USH2A: variants seen among roughly 807,000 people sequenced by gnomAD.
The protein encoded by USH2A is usherin.
USH2A carries 443 observed loss-of-function variants against 538.9 expected under a neutral mutation model. That is an observed-to-expected ratio of 0.82 (90% CI 0.76 to 0.89). The LOEUF (loss-of-function observed/expected upper bound fraction) is 0.89, where lower values mean the gene tolerates loss of function less well. Ranked by LOEUF, USH2A falls within the 40% of genes least tolerant of loss-of-function variation. The pLI is 0.00. For synonymous variants in USH2A, 2,413 were observed against 2,273.5 expected, an observed-to-expected ratio of 1.06 and a Z score of -1.75; for missense variants, 6,633 against 6,324.8, an observed-to-expected ratio of 1.05 and a Z score of -1.65.
intron 64 of USH2A, among the ~76,000 whole-genome samples, chr1:215,669,573 A>C (rs1657745485): frequency 6.6e-6 from 1 of 152,226 alleles, no homozygotes; most frequent in African/African-American, 2.4e-5. Flanking sequence ...AAACATATAA[A>C]TATTCATATT....
At chr1:215,743,116 A>G in intron 59 of USH2A, 61 bp downstream of exon 59, 2 of 1,580,254 alleles carry the variant, frequency 1.3e-6, no homozygotes, top group Non-Finnish European at 1.7e-6. Flanking sequence ...CTTTTTAATG[A>G]AATTTTTTAA....
intron 3 of USH2A, among the ~76,000 whole-genome samples, chr1:216,373,959 T>C (rs1296126095): frequency 6.6e-6 from 1 of 151,896 alleles, no homozygotes; most frequent in African/African-American, 2.4e-5. Flanking sequence ...TGTAGGAACG[T>C]GGATGAAACT....
chr1:215,999,682 C>T (rs1443302311), intron 33 of USH2A, among the ~76,000 whole-genome samples: 1 of 152,116 alleles, frequency 6.6e-6, no homozygotes. Flanking sequence ...CTGAGAAACA[C>T]CTGAGTCGTG....
intron 62 of USH2A, among the ~76,000 whole-genome samples, chr1:215,677,333 T>G (rs1658065943): frequency 6.6e-6 from 1 of 152,198 alleles, no homozygotes; most frequent in South Asian, 2.1e-4. Context: ...CTCCCTCTAC[T>G]GGTTATTTCT....
chr1:215,907,983 C>CA (rs1166463844), intron 38 of USH2A, among the ~76,000 whole-genome samples: 5 of 151,888 alleles, frequency 3.3e-5, no homozygotes, highest in South Asian at 2.1e-4. Flanking sequence ...AAATAAATTA[C>CA]AAAAAAATGT....
chr1:216,312,062 C>A (rs936890676), intron 9 of USH2A, among the ~76,000 whole-genome samples: 1 of 151,824 alleles, frequency 6.6e-6, no homozygotes, highest in Non-Finnish European at 1.5e-5. Flanking sequence ...CTCTGAAGTT[C>A]TTCCTTTAAC....
At chr1:216,185,673 A>G (rs763660265) in intron 20 of USH2A, among the ~76,000 whole-genome samples, 2 of 151,950 alleles carry the variant, frequency 1.3e-5, no homozygotes, top group Non-Finnish European at 2.9e-5. Context: ...ACAGAGCAGG[A>G]TGAACAGTAA....
At chr1:215,652,733 A>T (rs1657120780) in intron 64 of USH2A, among the ~76,000 whole-genome samples, 1 of 151,912 alleles carries the variant, frequency 6.6e-6, no homozygotes, top group South Asian at 2.1e-4. Flanking sequence ...GGTGGGGGGG[A>T]CACCTATTAT....
intron 35 of USH2A, among the ~76,000 whole-genome samples, chr1:215,987,235 A>T (rs930107082): frequency 3.3e-5 from 5 of 152,158 alleles, no homozygotes; most frequent in African/African-American, 1.2e-4. Flanking sequence ...GGCTCATGAG[A>T]ATTTGGAAGC....
chr1:215,944,845 A>G (rs569427203), intron 37 of USH2A, among the ~76,000 whole-genome samples: 5 of 152,308 alleles, frequency 3.3e-5, no homozygotes, highest in African/African-American at 1.2e-4. Context: ...TGTCCAAAAC[A>G]TGAAACATCC....
chr1:215,774,880 A>T (rs547496843), intron 55 of USH2A, among the ~76,000 whole-genome samples: 8 of 151,722 alleles, frequency 5.3e-5, no homozygotes, highest in Non-Finnish European at 1.0e-4. Flanking sequence ...AACACAAAAA[A>T]GTGGTTGATG....
chr1:215,926,937 G>T (rs2102493322), intron 38 of USH2A, among the ~76,000 whole-genome samples: 1 of 152,040 alleles, frequency 6.6e-6, no homozygotes, highest in East Asian at 1.9e-4. Context: ...TGACTTGCCA[G>T]ATTAATAAAA....
At chr1:216,041,739 C>A (rs1258239082) in intron 32 of USH2A, among the ~76,000 whole-genome samples, 1 of 151,460 alleles carries the variant, frequency 6.6e-6, no homozygotes, top group Non-Finnish European at 1.5e-5. Context: ...TTTTGCTCAT[C>A]AAGAATGTGA....
At chr1:216,170,236 G>A (rs2034250316) in intron 21 of USH2A, among the ~76,000 whole-genome samples, 2 of 152,022 alleles carry the variant, frequency 1.3e-5, no homozygotes, top group Non-Finnish European at 2.9e-5. Context: ...TAAACATATT[G>A]ATTTTTGGTG....
intron 4 of USH2A, among the ~76,000 whole-genome samples, chr1:216,343,976 T>C (rs932031524): frequency 1.3e-5 from 2 of 152,050 alleles, no homozygotes; most frequent in African/African-American, 4.8e-5. Flanking sequence ...CCATTCTTTA[T>C]TCCTTTACTT....
At chr1:215,652,052 T>C (rs1394860875) in intron 64 of USH2A, among the ~76,000 whole-genome samples, 1 of 152,250 alleles carries the variant, frequency 6.6e-6, no homozygotes, top group African/African-American at 2.4e-5. Flanking sequence ...ATACATCCTC[T>C]CATCATTTGC....
At chr1:216,235,623 T>C (rs1485728767) in intron 13 of USH2A, among the ~76,000 whole-genome samples, 1 of 152,188 alleles carries the variant, frequency 6.6e-6, no homozygotes, top group Non-Finnish European at 1.5e-5. Context: ...TATTATCTCC[T>C]GCAGCGGCTA....
intron 4 of USH2A, among the ~76,000 whole-genome samples, chr1:216,341,310 G>A (rs998986951): frequency 3.3e-5 from 5 of 151,930 alleles, no homozygotes; most frequent in African/African-American, 1.2e-4. Context: ...AGCTCCTCAA[G>A]GAGAACTACA....
intron 37 of USH2A, among the ~76,000 whole-genome samples, chr1:215,958,370 G>C (rs919064919): frequency 1.3e-5 from 2 of 151,952 alleles, no homozygotes; most frequent in African/African-American, 4.8e-5. Context: ...GCCTATTCTG[G>C]GTGCTAGGAT....
Sources: gnomAD v4.1 joint callset for allele counts (sites outside exome capture counted in the v4.1 genomes callset) on GRCh38, gnomAD v4.1.1 for gene constraint, MANE v1.5 for transcripts, NCBI Gene and HGNC (gene_info 2026-07-23, HGNC 2026-07-21) for gene names.